CNTN4: variants seen among roughly 807,000 people sequenced by gnomAD.
The protein encoded by CNTN4 is contactin-4.
Under a neutral mutation model 122.5 loss-of-function variants are expected in CNTN4, and 77 were observed. The ratio of observed to expected loss-of-function variants is 0.63; its 90% CI spans 0.52 to 0.76. The LOEUF is 0.76. Among genes scored for constraint, CNTN4 ranks in the 30% least tolerant of loss-of-function variants. CNTN4 has a pLI of 0.00. For missense variants in CNTN4, 1,256 were observed against 1,259.1 expected, an observed-to-expected ratio of 1.00 and a Z score of 0.04; for synonymous variants, 512 against 447.0, an observed-to-expected ratio of 1.15 and a Z score of -1.83.
intron 4 of CNTN4, among the ~76,000 whole-genome samples, chr3:2,728,689 A>T (rs1559436695): frequency 6.6e-6 from 1 of 152,338 alleles, no homozygotes; most frequent in East Asian, 1.9e-4. Context: ...TGCATAACGC[A>T]AAAAGCTACC....
intron 2 of CNTN4, among the ~76,000 whole-genome samples, chr3:2,279,459 C>A (rs777214038): frequency 4.6e-5 from 7 of 152,154 alleles, no homozygotes; most frequent in Non-Finnish European, 7.3e-5. Context: ...AGGGAGACAT[C>A]ATCACATGGA....
intron 7 of CNTN4, among the ~76,000 whole-genome samples, chr3:2,857,129 G>C (rs921591168): frequency 6.6e-6 from 1 of 152,176 alleles, no homozygotes; most frequent in Non-Finnish European, 1.5e-5. Context: ...AGAGAACCTG[G>C]GATCAAACCA....
chr3:2,475,237 C>T (rs981125311), intron 3 of CNTN4, among the ~76,000 whole-genome samples: 1 of 152,146 alleles, frequency 6.6e-6, no homozygotes, highest in African/African-American at 2.4e-5. Flanking sequence ...TAACTGCTAT[C>T]ATGTTGAGGA....
At chr3:2,356,165 G>T (rs972605184) in intron 3 of CNTN4, among the ~76,000 whole-genome samples, 1 of 152,162 alleles carries the variant, frequency 6.6e-6, no homozygotes, top group Non-Finnish European at 1.5e-5. Flanking sequence ...AAGACCCTAA[G>T]AGAGAGTTCT....
intron 3 of CNTN4, among the ~76,000 whole-genome samples, chr3:2,550,952 G>A (rs2078476213): frequency 6.6e-6 from 1 of 152,072 alleles, no homozygotes; most frequent in Non-Finnish European, 1.5e-5. Context: ...GCCTGTCGGG[G>A]GAGTGGGGAA....
At chr3:2,614,380 A>G (rs1576223215) in intron 4 of CNTN4, among the ~76,000 whole-genome samples, 1 of 152,176 alleles carries the variant, frequency 6.6e-6, no homozygotes, top group Non-Finnish European at 1.5e-5. Flanking sequence ...TTCTGAATAT[A>G]ATGGCAAGTC....
At chr3:2,288,866 T>TGTTC (rs1213000838) in intron 2 of CNTN4, among the ~76,000 whole-genome samples, 2 of 152,168 alleles carry the variant, frequency 1.3e-5, no homozygotes, top group African/African-American at 4.8e-5. Context: ...TTGTCTTGAA[T>TGTTC]GTTCATTCAG....
intron 3 of CNTN4, among the ~76,000 whole-genome samples, chr3:2,440,157 T>C (rs1481748919): frequency 2.0e-5 from 3 of 152,172 alleles, no homozygotes; most frequent in Non-Finnish European, 2.9e-5. Context: ...AAATTATTAT[T>C]ATACTTTAAG....
chr3:2,754,765 A>T (rs923651353), intron 6 of CNTN4, among the ~76,000 whole-genome samples: 2 of 152,024 alleles, frequency 1.3e-5, no homozygotes, highest in Non-Finnish European at 2.9e-5. Flanking sequence ...AAAAGAAAAG[A>T]AAAAATTTTA....
At chr3:2,432,371 A>G (rs147180703) in intron 3 of CNTN4, among the ~76,000 whole-genome samples, 1 of 152,374 alleles carries the variant, frequency 6.6e-6, no homozygotes, top group East Asian at 1.9e-4. Flanking sequence ...GAAGAAACAG[A>G]CAAAAATTAA....
chr3:2,891,251 G>T (rs2094036651), intron 10 of CNTN4, among the ~76,000 whole-genome samples: 1 of 152,032 alleles, frequency 6.6e-6, no homozygotes, highest in South Asian at 2.1e-4. Flanking sequence ...GTCACTTGAG[G>T]CCAGGAATTC....
At chr3:2,632,610 C>G (rs1489816734) in intron 4 of CNTN4, among the ~76,000 whole-genome samples, 1 of 152,116 alleles carries the variant, frequency 6.6e-6, no homozygotes, top group Non-Finnish European at 1.5e-5. Flanking sequence ...ATCCTTGAGC[C>G]TCTTAGGGCG....
chr3:2,250,263 C>G (rs768737057), intron 2 of CNTN4, among the ~76,000 whole-genome samples: 25 of 151,882 alleles, frequency 1.6e-4, no homozygotes, highest in Non-Finnish European at 2.8e-4. Flanking sequence ...TACATTTTCC[C>G]TTAAATGGCA....
intron 3 of CNTN4, among the ~76,000 whole-genome samples, chr3:2,449,591 G>A (rs1216765106): frequency 1.4e-5 from 2 of 145,614 alleles, no homozygotes; most frequent in Non-Finnish European, 3.0e-5. Context: ...CTCCAGCCTG[G>A]GTGACAGAGC....
chr3:2,948,227 G>A (rs2094699450), intron 13 of CNTN4, among the ~76,000 whole-genome samples: 1 of 152,156 alleles, frequency 6.6e-6, no homozygotes. Context: ...GATTTTGTTG[G>A]CGGTAGCGTT....
intron 10 of CNTN4, 149 bp downstream of exon 10, chr3:2,887,373 G>T: frequency 1.1e-5 from 8 of 716,120 alleles, no homozygotes; most frequent in East Asian, 2.9e-5. Context: ...ATCAGCCCTG[G>T]TTGATTCTGG....
At chr3:2,766,722 CCT>C (rs552501826) in intron 6 of CNTN4, among the ~76,000 whole-genome samples, 159 of 152,202 alleles carry the variant, frequency 1.0e-3, no homozygotes, top group African/African-American at 3.7e-3. Context: ...CCAAATACCC[CCT>C]GTTCCCCCAA....
intron 2 of CNTN4, among the ~76,000 whole-genome samples, chr3:2,166,060 A>G (rs2036180633): frequency 6.6e-6 from 1 of 152,150 alleles, no homozygotes; most frequent in Non-Finnish European, 1.5e-5. Context: ...TCTTTTGGAT[A>G]TATACCCAGA....
intron 2 of CNTN4, among the ~76,000 whole-genome samples, chr3:2,117,891 T>A (rs1320527314): frequency 6.6e-6 from 1 of 152,238 alleles, no homozygotes; most frequent in Non-Finnish European, 1.5e-5. Flanking sequence ...TAGTTTCACA[T>A]CTGTCAGGTG....
Sources: gnomAD v4.1 joint callset for allele counts (sites outside exome capture counted in the v4.1 genomes callset) on GRCh38, gnomAD v4.1.1 for gene constraint, MANE v1.5 for transcripts, NCBI Gene and HGNC (gene_info 2026-07-23, HGNC 2026-07-21) for gene names.